The following TCOF1 variants were observed in gnomAD, a reference collection of about 807,000 sequenced individuals.
TCOF1 encodes treacle ribosome biogenesis factor 1, also known as treacle protein.
A neutral mutation model predicts 149.0 loss-of-function variants in TCOF1; 33 were observed. The ratio of observed to expected loss-of-function variants is 0.22; its 90% CI spans 0.17 to 0.30. TCOF1 has a LOEUF of 0.30. Among genes scored for constraint, TCOF1 ranks in the 10% least tolerant of loss-of-function variants. TCOF1 has a pLI of 1.00. For missense variants in TCOF1, 1,728 were observed against 1,840.7 expected (o/e 0.94, Z 1.12); for synonymous variants, 789 against 738.8 (o/e 1.07, Z -1.10).
At chr5:150,369,317 C>T (rs1249121320) in intron 5 of TCOF1, among the ~76,000 whole-genome samples, 1 of 152,230 alleles carries the variant, frequency 6.6e-6, no homozygotes, top group Non-Finnish European at 1.5e-5. Context: ...CCTCACAGCC[C>T]TTCCCAGGGC....
At chr5:150,374,583 C>G (rs373402474) in intron 8 of TCOF1, 34 bp from the exon 9 acceptor site, 1 of 1,612,508 alleles carries the variant, frequency 6.2e-7, no homozygotes. Flanking sequence ...CACGTCCATC[C>G]TCTGGGCTGT....
chr5:150,374,287 C>T lies in TCOF1; in HGVS notation c.984C>T (p.Ser328=), dbSNP rs2150684723. ...CTGGGAAGGCAGGGGCTGTAGCCTC[C>T]CAGACCAAGGCAGGGAAGCCAGAGG... ...APPGKAGAVA[S]QTKAGKPEED... Residue 328 remains serine (S), a synonymous_variant, in exon 8 of 27, where the codon TCC becomes TCT. Coordinates refer to ENST00000643257, the MANE Select transcript of TCOF1 (RefSeq NM_001371623.1). The T allele has an allele frequency of 6.3e-7, 1 of 1,595,900 alleles. No homozygotes were observed. The highest frequency in any genetic ancestry group is 8.5e-7 in the Non-Finnish European group (1 of 1,170,522).
intron 19 of TCOF1, among the ~76,000 whole-genome samples, chr5:150,390,996 CAGCGATGCTTA>C (rs1767312020): frequency 6.6e-6 from 1 of 152,184 alleles, no homozygotes; most frequent in South Asian, 2.1e-4. Flanking sequence ...CCTCCTGAGA[CAGCGATGCTTA>C]AGCAGAAAAA....
intron 1 of TCOF1, among the ~76,000 whole-genome samples, chr5:150,358,065 C>T (rs1001511588): frequency 1.3e-5 from 2 of 152,230 alleles, no homozygotes; most frequent in African/African-American, 2.4e-5. Flanking sequence ...CTCATCCGGG[C>T]AGTGGGTTGG....
intron 2 of TCOF1, among the ~76,000 whole-genome samples, chr5:150,363,566 T>C (rs1190059869): frequency 6.6e-6 from 1 of 152,230 alleles, no homozygotes; most frequent in Non-Finnish European, 1.5e-5. Context: ...CCTTCCTCCC[T>C]GGGCCTTTCT....
intron 19 of TCOF1, among the ~76,000 whole-genome samples, chr5:150,390,401 C>T (rs1031123010): frequency 6.6e-6 from 1 of 152,152 alleles, no homozygotes; most frequent in African/African-American, 2.4e-5. Flanking sequence ...TTACCATCTT[C>T]AGTGCATTTT....
At chr5:150,386,973 G>A (rs1386888289) in intron 17 of TCOF1, among the ~76,000 whole-genome samples, 2 of 152,146 alleles carry the variant, frequency 1.3e-5, no homozygotes, top group Non-Finnish European at 2.9e-5. Context: ...ATAATGTAAA[G>A]AACCCCCACG....
chr5:150,396,787 A>G lies in TCOF1; in HGVS notation c.4290A>G (p.Glu1430=). The change falls in exon 24 of 27, where the codon GAA becomes GAG. Residue 1430 remains glutamate, a synonymous_variant. Transcript: ENST00000643257. The part of the protein sequence containing the change: ...EELQKGMGTV[E]GGDQSNPKSK... ...TTCAGAAGGGGATGGGGACGGTTGA[A>G]GGTGGAGATCAAAGCAACCCAAAGA... 2 of 1,611,250 alleles carry G rather than the reference A, an allele frequency of 1.2e-6. No individual in the cohort carries two copies. Among genetic ancestry groups the G allele is most frequent in the Non-Finnish European group, 1.7e-6 (2 of 1,179,162 alleles).
intron 2 of TCOF1, 104 bp downstream of exon 2, chr5:150,361,315 C>A: frequency 7.5e-7 from 1 of 1,335,676 alleles, no homozygotes; most frequent in Non-Finnish European, 1.1e-6. Context: ...TCCCCATAGC[C>A]CACTGTGGAC....
chr5:150,388,977 G>A (rs1014253964), intron 18 of TCOF1, among the ~76,000 whole-genome samples: 2 of 151,422 alleles, frequency 1.3e-5, no homozygotes, highest in East Asian at 2.0e-4. Flanking sequence ...ATGGTGGTTC[G>A]CACCTGTAAT....
At chr5:150,391,397 T>C (rs1044080128) in intron 19 of TCOF1, 147 bp from the exon 20 acceptor site, 1 of 753,236 alleles carries the variant, frequency 1.3e-6, no homozygotes, top group South Asian at 1.4e-5. Flanking sequence ...GCTCATAACC[T>C]GAAGCCTGCC....
intron 1 of TCOF1, among the ~76,000 whole-genome samples, chr5:150,360,821 C>T (rs185187786): frequency 1.3e-4 from 19 of 151,152 alleles, no homozygotes; most frequent in Admixed American, 3.3e-4. Flanking sequence ...ACTGCAGCCT[C>T]GATATCCTGG....
At position 150,377,536 on chromosome 5, in the gene TCOF1, G is replaced by C. The variant is rs141471288; in HGVS notation, c.2340+916G>C. ...TTTAATTGTCGCTCTGTTTTTTTCTGTAACCACTCAGAAATTAGTCATTTC... is the reference window on the plus strand; with the variant it reads ...TTTAATTGTCGCTCTGTTTTTTTCTCTAACCACTCAGAAATTAGTCATTTC... On this transcript the variant is annotated intron_variant, in intron 14 of 26. Coordinates refer to ENST00000643257, the MANE Select transcript of TCOF1 (RefSeq NM_001371623.1). 2.0e-5 allele frequency among the ~76,000 whole-genome samples: 3 copies of C among 152,128 alleles called. No homozygotes were observed. In the South Asian group the frequency reaches 6.2e-4, roughly 32 times the overall value.
chr5:150,369,216 G>C (rs1762008460), intron 5 of TCOF1, among the ~76,000 whole-genome samples: 2 of 152,238 alleles, frequency 1.3e-5, no homozygotes, highest in South Asian at 4.1e-4. Flanking sequence ...TTCCTATGTA[G>C]AGTAGACATC....
rs371156656 is a variant in TCOF1 at position 150,374,341 on chromosome 5, A to G, written c.1038A>G (p.Ser346=). 260 of 1,565,000 alleles carry G rather than the reference A, an allele frequency of 1.7e-4. No individual in the cohort carries two copies. The highest frequency in any genetic ancestry group is 2.1e-4 in the Non-Finnish European group (237 of 1,154,590). Residue 346 remains serine, a synonymous_variant, in exon 8 of 27, where the codon TCA becomes TCG. Coordinates refer to ENST00000643257, the MANE Select transcript of TCOF1 (RefSeq NM_001371623.1). ...ACTCAGAGAGCAGCAGCGAGGAGTC[A>G]TCTGACAGTGAGGAGGAGACGCCAG... ...EEDSESSSEE[S]SDSEEETPAA...
At position 150,396,829 on chromosome 5, in the gene TCOF1, G is replaced by A. The variant is rs566057245; in HGVS notation, c.4332G>A (p.Lys1444=). 1 of 1,600,436 alleles carries A rather than the reference G, an allele frequency of 6.2e-7. No homozygotes were observed. The highest frequency in any genetic ancestry group is 8.5e-7 in the Non-Finnish European group (1 of 1,173,524). ...QSNPKSKKEK[K]KSDKRKKDKE... is the part of the protein sequence containing the mutation. ...ACCCAAAGAGCAAGAAGGAGAAGAA[G>A]AAATCCGACAAGAGTGAGTGACCGC... is the stretch of plus-strand genomic sequence containing the variant. Residue 1444 remains lysine (K), a synonymous_variant, in exon 24 of 27, where the codon AAG becomes AAA. Coordinates refer to ENST00000643257, the MANE Select transcript of TCOF1 (RefSeq NM_001371623.1).
At chr5:150,394,767 A>T (rs1768096597) in intron 23 of TCOF1, 1 of 152,148 alleles carries the variant, frequency 6.6e-6, no homozygotes, top group African/African-American at 2.4e-5. Context: ...AAATACAAAA[A>T]ACTAGCCAGC....
chr5:150,360,505 T>C (rs1472979419), intron 1 of TCOF1, among the ~76,000 whole-genome samples: 1 of 152,202 alleles, frequency 6.6e-6, no homozygotes, highest in Admixed American at 6.5e-5. Flanking sequence ...AAAGCTTTTT[T>C]AAAGGTCAAA....
At chr5:150,370,708 T>A (rs1252159828) in intron 6 of TCOF1, among the ~76,000 whole-genome samples, 2 of 152,182 alleles carry the variant, frequency 1.3e-5, no homozygotes, top group African/African-American at 4.8e-5. Context: ...GGCTCGCACC[T>A]GTAAGTGCAG....
Sources: gnomAD v4.1 joint callset for allele counts (sites outside exome capture counted in the v4.1 genomes callset) on GRCh38, gnomAD v4.1.1 for gene constraint, MANE v1.5 for transcripts, NCBI Gene and HGNC (gene_info 2026-07-23, HGNC 2026-07-21) for gene names.